Variants in MUSK observed in about 807,000 individuals in gnomAD.
MUSK encodes muscle associated receptor tyrosine kinase, also known as muscle, skeletal receptor tyrosine-protein kinase.
MUSK carries 55 observed loss-of-function variants against 88.7 expected under a neutral mutation model. The observed-to-expected ratio is 0.62, with a 90% CI of 0.50 to 0.78. MUSK has a LOEUF of 0.78. Ranked by LOEUF, MUSK falls within the 30% of genes least tolerant of loss-of-function variation. MUSK has a pLI of 0.00. For missense variants in MUSK, 1,015 were observed against 1,074.3 expected (o/e 0.94, Z 0.77); for synonymous variants, 387 against 391.9 (o/e 0.99, Z 0.15).
intron 5 of MUSK, among the ~76,000 whole-genome samples, chr9:110,727,853 T>A (rs2076908265): frequency 6.6e-6 from 1 of 152,100 alleles, no homozygotes; most frequent in South Asian, 2.1e-4. Flanking sequence ...AAATAAATAT[T>A]GCAGTTGACA....
intron 5 of MUSK, among the ~76,000 whole-genome samples, chr9:110,707,615 T>C (rs1305804147): frequency 1.3e-5 from 2 of 152,178 alleles, no homozygotes; most frequent in East Asian, 1.9e-4. Context: ...AAGGAAAATA[T>C]TGGGCAGAAG....
intron 1 of MUSK, among the ~76,000 whole-genome samples, chr9:110,675,843 G>A (rs1587877958): frequency 6.6e-6 from 1 of 152,140 alleles, no homozygotes. Context: ...TTACAGGCGT[G>A]AGCCACCGCA....
chr9:110,705,998 C>T (rs2076593693), intron 5 of MUSK: 2 of 441,796 alleles, frequency 4.5e-6, no homozygotes, highest in Admixed American at 2.6e-5. Flanking sequence ...TCATTAATCC[C>T]TTACAATCAC....
At chr9:110,759,010 G>T (rs1413546249) in intron 7 of MUSK, among the ~76,000 whole-genome samples, 9 of 152,032 alleles carry the variant, frequency 5.9e-5, no homozygotes, top group Non-Finnish European at 1.5e-5. Flanking sequence ...TCAAAAAAGG[G>T]CCCAAACAGC....
At chr9:110,733,263 G>A (rs572746458) in intron 5 of MUSK, among the ~76,000 whole-genome samples, 1 of 152,156 alleles carries the variant, frequency 6.6e-6, no homozygotes, top group South Asian at 2.1e-4. Flanking sequence ...TTGAGTCCAG[G>A]TTTCTCACTC....
chr9:110,683,710 T>C (rs926207788), intron 2 of MUSK, among the ~76,000 whole-genome samples: 3 of 152,114 alleles, frequency 2.0e-5, no homozygotes, highest in African/African-American at 7.2e-5. Flanking sequence ...TTGTAGTTTT[T>C]ATTTGCATTT....
intron 7 of MUSK, among the ~76,000 whole-genome samples, chr9:110,752,744 C>T (rs2077263456): frequency 6.6e-6 from 1 of 152,188 alleles, no homozygotes; most frequent in Admixed American, 6.5e-5. Flanking sequence ...AATGATATTT[C>T]TAGTGTTTGA....
At chr9:110,779,713 T>A (rs2077723238) in intron 11 of MUSK, among the ~76,000 whole-genome samples, 1 of 152,178 alleles carries the variant, frequency 6.6e-6, no homozygotes, top group African/African-American at 2.4e-5. Flanking sequence ...TTAATAGCCC[T>A]TCTATACACA....
chr9:110,776,610 A>T, intron 10 of MUSK, 22 bp from the exon 11 acceptor site: 1 of 1,591,422 alleles, frequency 6.3e-7, no homozygotes. Context: ...CTTAAAACAA[A>T]TTTTTATCCT....
At chr9:110,732,041 T>C (rs577936578) in intron 5 of MUSK, among the ~76,000 whole-genome samples, 112 of 152,238 alleles carry the variant, frequency 7.4e-4, no homozygotes, top group African/African-American at 2.7e-3. Context: ...TTCTCCAATT[T>C]TTTATTCTGC....
chr9:110,693,827 A>G (rs1489794239), intron 3 of MUSK, among the ~76,000 whole-genome samples: 2 of 152,110 alleles, frequency 1.3e-5, no homozygotes, highest in Non-Finnish European at 2.9e-5. Flanking sequence ...GGCATAGATA[A>G]CACTTTATTT....
chr9:110,726,774 GT>G (rs2076890185), intron 5 of MUSK, among the ~76,000 whole-genome samples: 1 of 151,916 alleles, frequency 6.6e-6, no homozygotes, highest in Non-Finnish European at 1.5e-5. Flanking sequence ...TTGTTTGTTT[GT>G]TTTTCCAAAC....
intron 3 of MUSK, 22 bp from the exon 4 acceptor site, chr9:110,695,381 T>C (rs1229128229): frequency 2.4e-5 from 35 of 1,434,682 alleles, no homozygotes; most frequent in Non-Finnish European, 3.3e-5. Context: ...CTTATTTATT[T>C]TGAATTTTCA....
At chr9:110,775,553 C>A in intron 9 of MUSK, 1 of 526,366 alleles carries the variant, frequency 1.9e-6, no homozygotes, top group Non-Finnish European at 3.4e-6. Context: ...TTCCCTTAGA[C>A]TAGCATTAAT....
intron 3 of MUSK, among the ~76,000 whole-genome samples, chr9:110,689,718 T>TAGTTATATATAAATATATAACTATATA (rs370720549): frequency 1.7e-4 from 9 of 51,662 alleles, no homozygotes; most frequent in African/African-American, 2.7e-4. Context: ...TAACTATATA[T>TAGTTATATATAAATATATAACTATATA]GTTATATATA....
At chr9:110,696,880 T>G (rs1289435142) in intron 4 of MUSK, among the ~76,000 whole-genome samples, 1 of 151,870 alleles carries the variant, frequency 6.6e-6, no homozygotes, top group Non-Finnish European at 1.5e-5. Flanking sequence ...TCTGAGATTT[T>G]AGCGTGCCTA....
Position 110,775,847 on chromosome 9 carries a change from A to G in MUSK, c.1244A>G (p.Glu415Gly). 6.2e-7 allele frequency: 1 copy of G among 1,613,942 alleles called. No homozygotes were observed. The highest frequency in any genetic ancestry group is 8.5e-7 in the Non-Finnish European group (1 of 1,179,846). ...GCAAAAGAATGGCTGGTAATGGAAG[A>G]GAAGACCCACAGAGGACTCTACAGA... ...FCAKEWLVME[E>G]KTHRGLYRSE... The change falls in exon 10 of 15, where the codon GAG becomes GGG. Residue 415 changes from glutamate to glycine, a missense_variant. Coordinates refer to ENST00000374448, the MANE Select transcript of MUSK (RefSeq NM_005592.4).
At chr9:110,758,606 A>G (rs889359921) in intron 7 of MUSK, among the ~76,000 whole-genome samples, 1 of 152,212 alleles carries the variant, frequency 6.6e-6, no homozygotes, top group Non-Finnish European at 1.5e-5. Flanking sequence ...AAGGCATCCA[A>G]ATAGGAAGAG....
intron 5 of MUSK, among the ~76,000 whole-genome samples, chr9:110,731,489 A>G (rs890280513): frequency 6.6e-6 from 1 of 152,170 alleles, no homozygotes; most frequent in South Asian, 2.1e-4. Context: ...TCAATACTGA[A>G]AAAAGGGGGT....
Sources: allele counts gnomAD v4.1 joint callset (sites outside exome capture counted in the v4.1 genomes callset), GRCh38; gene constraint gnomAD v4.1.1; transcripts MANE v1.5; gene names NCBI Gene and HGNC (gene_info 2026-07-23, HGNC 2026-07-21).